CARS1: variants seen among roughly 807,000 people sequenced by gnomAD.
The protein encoded by CARS1 is cysteine--tRNA ligase, cytoplasmic.
In CARS1, 48 loss-of-function variants were observed where a neutral mutation model predicts 106.2. The observed-to-expected ratio is 0.45, with a 90% CI of 0.36 to 0.57. CARS1 has a LOEUF of 0.57. CARS1 is among the 20% of genes least tolerant of loss of function. CARS1 has a pLI of 0.00. For missense variants in CARS1, 968 were observed against 1,057.2 expected, an observed-to-expected ratio of 0.92 and a Z score of 1.17; for synonymous variants, 409 against 403.4, an observed-to-expected ratio of 1.01 and a Z score of -0.17.
chr11:3,026,558 A>AGT lies in CARS1; in HGVS notation c.1153+117_1153+118insAC, dbSNP rs1852096755. 3 of 1,041,942 alleles carry AGT rather than the reference A, an allele frequency of 2.9e-6. No homozygotes were observed. In the African/African-American group the frequency reaches 4.8e-5, roughly 17 times the overall value. The allele number at this position is 1,041,942 out of a possible 1,614,324, so 64.5% of individuals were successfully genotyped here. On this transcript the variant is annotated intron_variant, in intron 10 of 22. Coordinates refer to ENST00000380525, the MANE Select transcript of CARS1 (RefSeq NM_001014437.3). ...CTAAAATTCCTTCAGGTGAAAAAGCACTGTTCCCAAGAGTCTGAGGGGTGG... is the reference window on the plus strand; with the variant it reads ...CTAAAATTCCTTCAGGTGAAAAAGCAGTCTGTTCCCAAGAGTCTGAGGGGTGG...
At position 3,019,707 on chromosome 11, in the gene CARS1, C is replaced by CA. The variant is rs766800048; in HGVS notation, c.1267-441dup. Among the ~76,000 whole-genome samples the CA allele has an allele frequency of 0.018, 1,904 of 105,568 alleles. 33 individuals are homozygous for CA. Among genetic ancestry groups the CA allele is most frequent in the African/African-American group, 0.053 (1,501 of 28,578 alleles). The allele number at this position is 105,568 out of a possible 152,430, so 69.3% of individuals were successfully genotyped here. On this transcript the variant is annotated intron_variant, in intron 11 of 22. Coordinates refer to ENST00000380525, the MANE Select transcript of CARS1 (RefSeq NM_001014437.3). The surrounding 1 kb of genome is among the most constrained non-coding windows in gnomAD (Gnocchi z 6.2). The stretch of plus-strand genomic sequence containing the variant: ...CTGGTGACAGAGTGACACTCTGTCT[C>CA]AAAAAAAAAAAAAAGACTAAGGATA...
At chr11:3,014,004 C>T (rs1003989764) in intron 17 of CARS1, among the ~76,000 whole-genome samples, 5 of 152,126 alleles carry the variant, frequency 3.3e-5, no homozygotes, top group African/African-American at 9.7e-5. Flanking sequence ...GGCTAGCAAG[C>T]CCTTAAGTCT....
At chr11:3,006,708 T>G (rs917813818) in intron 19 of CARS1, among the ~76,000 whole-genome samples, 171 bp downstream of exon 19, 2 of 152,184 alleles carry the variant, frequency 1.3e-5, no homozygotes, top group African/African-American at 4.8e-5. Flanking sequence ...CCCCTGCCCC[T>G]GCCAGGCTGG....
chr11:3,029,372 G>C lies in CARS1; in HGVS notation c.873C>G (p.Asp291Glu), dbSNP rs773330654. 1.9e-6 allele frequency: 3 copies of C among 1,614,026 alleles called. No individual in the cohort carries two copies. Among genetic ancestry groups the C allele is most frequent in the Non-Finnish European group, 2.5e-6 (3 of 1,179,874 alleles). ...LDSTLGCDVT[D>E]NSIFSKLPKF... ...TGGGCAGCTTGGAGAAGATGGAATT[G>C]TCAGTGACATCACAGCCAAGTGTAG... is the stretch of plus-strand genomic sequence containing the variant. The change falls in exon 8 of 23, where the codon GAC becomes GAG. Residue 291 changes from aspartate (D) to glutamate (E), a missense_variant. Coordinates refer to ENST00000380525, the MANE Select transcript of CARS1 (RefSeq NM_001014437.3). This position sits in a 1 kb window ranked among gnomAD's most constrained non-coding sequence, Gnocchi z 5.9.
chr11:3,041,182 C>G lies in CARS1; in HGVS notation c.367-198G>C, dbSNP rs1333650947. On this transcript the variant is annotated intron_variant, in intron 3 of 22. Coordinates refer to ENST00000380525, the MANE Select transcript of CARS1 (RefSeq NM_001014437.3). The surrounding 1 kb of genome is among the most constrained non-coding windows in gnomAD (Gnocchi z 4.9). ...TGTACGGCACCTCCCACCAACTGAG[C>G]CCTGGGTGGGTGGGGCCTCTTCCTC... The G allele has an allele frequency of 7.2e-6, 5 of 697,134 alleles. No homozygotes were observed. Among genetic ancestry groups the G allele is most frequent in the Non-Finnish European group, 1.1e-5 (5 of 439,988 alleles). The allele number at this position is 697,134 out of a possible 1,614,324, so 43.2% of individuals were successfully genotyped here. A position where few individuals can be genotyped will look rare whatever the true frequency, so the allele number is the denominator to read the frequency against.
At chr11:3,035,178 C>T (rs1021880144) in intron 7 of CARS1, among the ~76,000 whole-genome samples, 2 of 152,052 alleles carry the variant, frequency 1.3e-5, no homozygotes, top group Non-Finnish European at 2.9e-5. Context: ...TTGGAGGGGA[C>T]AAACATTCAA....
intron 21 of CARS1, 142 bp downstream of exon 21, chr11:3,002,399 G>C (rs1849473998): frequency 6.8e-7 from 1 of 1,471,166 alleles, no homozygotes; most frequent in South Asian, 1.3e-5. Context: ...GCCTTGGGTG[G>C]TGGAGGCAGA....
At chr11:3,002,736 A>C (rs1849509897) in intron 20 of CARS1, 136 bp from the exon 21 acceptor site, 2 of 1,422,568 alleles carry the variant, frequency 1.4e-6, no homozygotes, top group South Asian at 1.3e-5. Context: ...GGCCCTCCCC[A>C]CTGTGGGGAG....
chr11:3,035,706 G>C (rs559922906), intron 7 of CARS1, among the ~76,000 whole-genome samples: 9 of 152,258 alleles, frequency 5.9e-5, no homozygotes, highest in Admixed American at 2.0e-4. Context: ...GGCTGGTCTG[G>C]AGCTCCTGGG....
chr11:3,007,055 C>T, intron 18 of CARS1, 96 bp from the exon 19 acceptor site: 2 of 1,007,984 alleles, frequency 2.0e-6, no homozygotes, highest in South Asian at 1.3e-5. Context: ...GGGCCGTGGC[C>T]CACAGAACAA....
rs115810290 is a variant in CARS1, at chr11:3,020,048, C to G, written c.1266+172G>C. Among the ~76,000 whole-genome samples the G allele has an allele frequency of 5.1e-3, 782 of 152,342 alleles. 8 individuals carry two copies. Among genetic ancestry groups the G allele is most frequent in the African/African-American group, 0.017 (698 of 41,572 alleles). On this transcript the variant is annotated intron_variant, in intron 11 of 22. Coordinates refer to ENST00000380525, the MANE Select transcript of CARS1 (RefSeq NM_001014437.3). This position sits in a 1 kb window ranked among gnomAD's most constrained non-coding sequence, Gnocchi z 4.6. ...TGATTTGTCCAGAGACTCAGGGAGT[C>G]TCCATGATGTCCAGGTCCCCGGGGC...
rs1218440604 is a variant in CARS1, at chr11:3,050,349, C to A, written c.26-2348G>T. On this transcript the variant is annotated intron_variant, in intron 1 of 22. Coordinates refer to ENST00000380525, the MANE Select transcript of CARS1 (RefSeq NM_001014437.3). This position sits in a 1 kb window ranked among gnomAD's most constrained non-coding sequence, Gnocchi z 6.3. Reference sequence around the variant, plus strand: ...CCCACTCCAAGCAGCCACAGGCACCCAGAAGCAAAGCTCTGGGCACACTCC... The same window carrying A: ...CCCACTCCAAGCAGCCACAGGCACCAAGAAGCAAAGCTCTGGGCACACTCC... 6.6e-6 allele frequency among the ~76,000 whole-genome samples: 1 copy of A among 152,160 alleles called. No individual in the cohort carries two copies. The highest frequency in any genetic ancestry group is 2.4e-5 in the African/African-American group (1 of 41,428).
rs1362055800 is a variant in CARS1, at chr11:3,054,955, T to A, written c.25+2388A>T. The stretch of plus-strand genomic sequence containing the variant: ...GTAGGCTCCATCTACCCCAGAAACC[T>A]CAGAAATGAAACTCATCCTTCTGAA... On this transcript the variant is annotated intron_variant, in intron 1 of 22. Transcript: ENST00000380525. 3 of 702,552 alleles carry A rather than the reference T, an allele frequency of 4.3e-6. No individual in the cohort carries two copies. In the Admixed American group the frequency reaches 6.0e-5, roughly 14 times the overall value. 43.5% of individuals were successfully genotyped at this position (702,552 alleles called of 1,614,324 possible).
At position 3,022,862 on chromosome 11, in the gene CARS1, C is replaced by G. The variant is rs1851688126; in HGVS notation, c.1154-2530G>C. Among the ~76,000 whole-genome samples the G allele has an allele frequency of 1.3e-5, 2 of 152,188 alleles. No homozygotes were observed. On this transcript the variant is annotated intron_variant, in intron 10 of 22. Coordinates refer to ENST00000380525, the MANE Select transcript of CARS1 (RefSeq NM_001014437.3). This position sits in a 1 kb window ranked among gnomAD's most constrained non-coding sequence, Gnocchi z 4.9. Reference sequence around the variant, plus strand: ...CATCACCCCTCCCCTTTTCCTCTACCATTAGAGTCCCCATGGCGAGGAGCA... The same window carrying G: ...CATCACCCCTCCCCTTTTCCTCTACGATTAGAGTCCCCATGGCGAGGAGCA...
intron 10 of CARS1, among the ~76,000 whole-genome samples, chr11:3,025,304 T>A (rs1483444696): frequency 1.3e-5 from 2 of 152,234 alleles, no homozygotes; most frequent in East Asian, 3.8e-4. Context: ...CTTGGCTCAC[T>A]ATAACCTCTG....
chr11:3,005,411 C>G lies in CARS1; in HGVS notation c.2172G>C (p.Leu724=), dbSNP rs1849760477. The change falls in exon 20 of 23, where the codon CTG becomes CTC. Residue 724 remains leucine, a synonymous_variant. Transcript: ENST00000380525. Reference sequence around the variant, plus strand: ...CTTTTAATAAGGTGTTTCTGTCTACCAGTTTCACCACTGTGGGCAGTCCTG... The same window carrying G: ...CTTTTAATAAGGTGTTTCTGTCTACGAGTTTCACCACTGTGGGCAGTCCTG... ...DHEGLPTVVK[L]VDRNTLLKER... is the part of the protein sequence containing the mutation. The G allele has an allele frequency of 6.2e-7, 1 of 1,613,984 alleles. No individual in the cohort carries two copies.
rs778341494 is a variant in CARS1, at chr11:3,006,851, T to C, written c.2149+28A>G. ...ACACCTCTCCAAGCTCCTGGTAACTTTGTAGCAAACAGCAAGGGCTCACCC... is the reference window on the plus strand; with the variant it reads ...ACACCTCTCCAAGCTCCTGGTAACTCTGTAGCAAACAGCAAGGGCTCACCC... On this transcript the variant is annotated intron_variant, in intron 19 of 22. Transcript: ENST00000380525. The C allele has an allele frequency of 6.1e-5, 97 of 1,590,062 alleles. No homozygotes were observed. The South Asian group carries it at 6.2e-4, about 10-fold the overall frequency.
rs1001702400 is a variant in CARS1, at chr11:3,046,894, G to A, written c.274+859C>T. 1.3e-4 allele frequency among the ~76,000 whole-genome samples: 20 copies of A among 152,150 alleles called. No homozygotes were observed. Among genetic ancestry groups the A allele is most frequent in the East Asian group, 5.8e-4 (3 of 5,184 alleles). On this transcript the variant is annotated intron_variant, in intron 2 of 22. Transcript: ENST00000380525. This position sits in a 1 kb window ranked among gnomAD's most constrained non-coding sequence, Gnocchi z 5.8. ...ATCTCCCGCAAATAACCACAGGCACGTTCCACAGACACAACCAGCACCAAC... is the reference window on the plus strand; with the variant it reads ...ATCTCCCGCAAATAACCACAGGCACATTCCACAGACACAACCAGCACCAAC...
chr11:3,026,440 C>T (rs1852084686), intron 10 of CARS1, among the ~76,000 whole-genome samples: 1 of 152,214 alleles, frequency 6.6e-6, no homozygotes, highest in Admixed American at 6.5e-5. Flanking sequence ...TAAGACATCA[C>T]ATGTTCCCCA....
Sources: gnomAD v4.1 joint callset for allele counts (sites outside exome capture counted in the v4.1 genomes callset) on GRCh38, gnomAD v4.1.1 for gene constraint, Gnocchi (gnomAD v3.1) non-coding constraint, MANE v1.5 for transcripts, NCBI Gene and HGNC (gene_info 2026-07-23, HGNC 2026-07-21) for gene names.